The following WWOX variants were observed in gnomAD, a reference collection of about 807,000 sequenced individuals.
The protein encoded by WWOX is WW domain containing oxidoreductase, also known as WW domain-containing oxidoreductase.
Under a neutral mutation model 46.2 loss-of-function variants are expected in WWOX, and 69 were observed. The observed-to-expected ratio is 1.49, with a 90% CI of 1.23 to 1.82. The LOEUF is 1.82. Among genes scored for constraint, WWOX ranks in the 40% most tolerant of loss-of-function variants. The pLI, the probability that WWOX is intolerant of heterozygous loss-of-function variation, is 0.00. For missense variants in WWOX, 919 were observed against 542.6 expected (o/e 1.69, Z -6.89); for synonymous variants, 359 against 202.6 (o/e 1.77, Z -6.56).
At chr16:78,702,015 A>ATG (rs1177431566) in intron 8 of WWOX, among the ~76,000 whole-genome samples, 13 of 113,980 alleles carry the variant, frequency 1.1e-4, no homozygotes, top group African/African-American at 6.8e-4. Flanking sequence ...AATTATATAT[A>ATG]TATATATATA....
At chr16:78,647,199 C>T (rs1280079835) in intron 8 of WWOX, among the ~76,000 whole-genome samples, 1 of 152,120 alleles carries the variant, frequency 6.6e-6, no homozygotes, top group East Asian at 1.9e-4. Flanking sequence ...CAACATGAGT[C>T]ACTTGCTACT....
chr16:78,809,297 G>C (rs578099254), intron 8 of WWOX, among the ~76,000 whole-genome samples: 2 of 129,802 alleles, frequency 1.5e-5, no homozygotes, highest in African/African-American at 5.9e-5. Flanking sequence ...CCAAAGCAAA[G>C]CCAATAGAGA....
At chr16:79,097,255 C>A (rs556104836) in intron 8 of WWOX, among the ~76,000 whole-genome samples, 2 of 152,180 alleles carry the variant, frequency 1.3e-5, no homozygotes, top group African/African-American at 2.4e-5. Context: ...GATTCCCAGG[C>A]CCTCATGCCT....
intron 8 of WWOX, among the ~76,000 whole-genome samples, chr16:79,120,525 C>T (rs924655744): frequency 1.7e-4 from 26 of 152,132 alleles, no homozygotes; most frequent in African/African-American, 3.4e-4. Context: ...TTTGTGGCTG[C>T]TGTAATAACG....
At chr16:78,862,013 A>G (rs979734046) in intron 8 of WWOX, among the ~76,000 whole-genome samples, 1 of 152,118 alleles carries the variant, frequency 6.6e-6, no homozygotes, top group Non-Finnish European at 1.5e-5. Context: ...GTGTGTATCT[A>G]TGTATAGATA....
intron 8 of WWOX, among the ~76,000 whole-genome samples, chr16:78,654,480 T>C (rs986025283): frequency 8.5e-5 from 13 of 152,254 alleles, no homozygotes; most frequent in African/African-American, 2.2e-4. Context: ...TTATGGTTTT[T>C]ATATTTTAAT....
At chr16:78,996,370 G>GGGGGGGGGGGGGCGC in intron 8 of WWOX, 1 of 834,528 alleles carries the variant, frequency 1.2e-6, no homozygotes, top group Non-Finnish European at 1.4e-6. Flanking sequence ...AGTGAATTCT[G>GGGGGGGGGGGGGCGC]CACCCACCCC....
intron 8 of WWOX, among the ~76,000 whole-genome samples, chr16:78,799,898 T>C (rs2050840932): frequency 1.3e-5 from 2 of 152,172 alleles, no homozygotes; most frequent in African/African-American, 4.8e-5. Context: ...AATTTCTATG[T>C]GAATGACTAC....
In WWOX at chr16:78,406,619, G is replaced by C. The variant is rs1360196199; in HGVS notation, c.606-18251G>C. Among the ~76,000 whole-genome samples the C allele has an allele frequency of 4.1e-5, 6 of 146,764 alleles. No individual in the cohort carries two copies. In the East Asian group the frequency reaches 8.1e-4, roughly 20 times the overall value. On this transcript the variant is annotated intron_variant, in intron 6 of 8. Coordinates refer to ENST00000566780, the MANE Select transcript of WWOX (RefSeq NM_016373.4). Reference sequence around the variant, plus strand: ...CTGCCTTGGCCTTCCAAAGTGCTGGGATATACATTTTTTTTTTTTTTTTGA... The same window carrying C: ...CTGCCTTGGCCTTCCAAAGTGCTGGCATATACATTTTTTTTTTTTTTTTGA...
chr16:79,176,160 C>G (rs2050795885), intron 8 of WWOX, among the ~76,000 whole-genome samples: 3 of 152,156 alleles, frequency 2.0e-5, no homozygotes, highest in Non-Finnish European at 4.4e-5. Flanking sequence ...TAAGAAATAG[C>G]CCCCAAAATG....
At chr16:78,291,465 C>T (rs1007512338) in intron 5 of WWOX, among the ~76,000 whole-genome samples, 5 of 152,146 alleles carry the variant, frequency 3.3e-5, no homozygotes, top group Non-Finnish European at 5.9e-5. Context: ...ATGTTTCTGT[C>T]GTTATAACTG....
chr16:79,025,511 G>A (rs1420665948), intron 8 of WWOX, among the ~76,000 whole-genome samples: 2 of 152,036 alleles, frequency 1.3e-5, no homozygotes, highest in Non-Finnish European at 2.9e-5. Flanking sequence ...AGATCGGAGT[G>A]ATTCCCCCAC....
intron 8 of WWOX, among the ~76,000 whole-genome samples, chr16:78,753,747 A>T (rs2049546526): frequency 6.9e-6 from 1 of 144,072 alleles, no homozygotes; most frequent in Non-Finnish European, 1.5e-5. Context: ...GGCTGTAGTG[A>T]GCAAAGATCA....
intron 8 of WWOX, among the ~76,000 whole-genome samples, chr16:78,576,356 C>T (rs1457116549): frequency 6.6e-6 from 1 of 152,164 alleles, no homozygotes. Flanking sequence ...TTGAAGTTCA[C>T]CTCCCAAAAG....
intron 8 of WWOX, among the ~76,000 whole-genome samples, chr16:78,578,509 C>G (rs1258427797): frequency 1.3e-5 from 2 of 151,380 alleles, no homozygotes; most frequent in Admixed American, 1.3e-4. Context: ...AGGATGGTCT[C>G]AATCTCCTGG....
chr16:78,702,100 T>TTTTATATATA (rs1491267639), intron 8 of WWOX, among the ~76,000 whole-genome samples: 4 of 81,260 alleles, frequency 4.9e-5, no homozygotes, highest in African/African-American at 2.7e-4. Flanking sequence ...ATCTATAAAG[T>TTTTATATATA]TATATATATA....
At chr16:78,620,564 C>A (rs1439887515) in intron 8 of WWOX, among the ~76,000 whole-genome samples, 1 of 152,156 alleles carries the variant, frequency 6.6e-6, no homozygotes, top group Non-Finnish European at 1.5e-5. Context: ...TTTATGTCCT[C>A]TGCCACCTTA....
At chr16:78,897,747 A>G (rs2044735481) in intron 8 of WWOX, 1 of 151,452 alleles carries the variant, frequency 6.6e-6, no homozygotes, top group South Asian at 2.1e-4. Flanking sequence ...ATGCTGCCAA[A>G]CAGTTGTCTA....
intron 8 of WWOX, among the ~76,000 whole-genome samples, chr16:78,501,175 T>TTG: frequency 2.5e-5 from 1 of 39,864 alleles, no homozygotes; most frequent in Non-Finnish European, 5.2e-5. Flanking sequence ...ATGTTTTTCT[T>TTG]TCTCTCTCTT....
Sources: gnomAD v4.1 joint callset for allele counts (sites outside exome capture counted in the v4.1 genomes callset) on GRCh38, gnomAD v4.1.1 for gene constraint, MANE v1.5 for transcripts, NCBI Gene and HGNC (gene_info 2026-07-23, HGNC 2026-07-21) for gene names.